MIPOL1: variants seen among roughly 807,000 people sequenced by gnomAD.
MIPOL1 encodes the protein mirror-image polydactyly gene 1 protein.
A neutral mutation model predicts 60.9 loss-of-function variants in MIPOL1; 57 were observed. The ratio of observed to expected loss-of-function variants is 0.94; its 90% CI spans 0.76 to 1.17. The LOEUF (loss-of-function observed/expected upper bound fraction) is 1.17. Ranked by LOEUF, MIPOL1 falls within the 50% of genes most tolerant of loss-of-function variation. The pLI is 0.00. For missense variants in MIPOL1, 551 were observed against 511.6 expected (o/e 1.08, Z -0.74); for synonymous variants, 179 against 168.8 (o/e 1.06, Z -0.47).
At chr14:37,497,418 T>C (rs2095148332) in intron 11 of MIPOL1, among the ~76,000 whole-genome samples, 1 of 152,234 alleles carries the variant, frequency 6.6e-6, no homozygotes, top group Admixed American at 6.5e-5. Flanking sequence ...TTAGGCCATA[T>C]ATGTAAAGTT....
In MIPOL1 at chr14:37,394,084, A is replaced by ATATC. The variant is rs1491106712; in HGVS notation, c.936+24461_936+24462insATCT. Among the ~76,000 whole-genome samples, 345 of 134,662 alleles carry ATATC rather than the reference A, an allele frequency of 2.6e-3. 11 individuals carry two copies. The highest frequency in any genetic ancestry group is 2.9e-3 in the Non-Finnish European group (184 of 63,774). The allele number at this position is 134,662 out of a possible 152,430, so 88.3% of individuals were successfully genotyped here. A position where few individuals can be genotyped will look rare whatever the true frequency, so the allele number is the denominator to read the frequency against. On this transcript the variant is annotated intron_variant, in intron 10 of 12. Coordinates refer to ENST00000684589, the MANE Select transcript of MIPOL1 (RefSeq NM_001388067.1). ...TATATATATATATATATATATATAT[A>ATATC]TCTCCATGTTCTATCATATATATAT... is the stretch of plus-strand genomic sequence containing the variant.
intron 11 of MIPOL1, among the ~76,000 whole-genome samples, chr14:37,441,084 A>G (rs766337700): frequency 6.6e-6 from 1 of 151,992 alleles, no homozygotes; most frequent in Non-Finnish European, 1.5e-5. Context: ...ATTCTTATCA[A>G]CTGCCACTTT....
intron 9 of MIPOL1, among the ~76,000 whole-genome samples, chr14:37,368,191 ATAT>A (rs1165044330): frequency 6.6e-6 from 1 of 152,002 alleles, no homozygotes; most frequent in Non-Finnish European, 1.5e-5. Context: ...AAATGCCTTG[ATAT>A]TATGGTTATT....
At chr14:37,532,028 G>A (rs570762051) in intron 12 of MIPOL1, among the ~76,000 whole-genome samples, 1 of 152,194 alleles carries the variant, frequency 6.6e-6, no homozygotes, top group East Asian at 1.9e-4. Flanking sequence ...TATTACTTAC[G>A]CATTTCTGAG....
chr14:37,497,922 C>A (rs997971435), intron 11 of MIPOL1, among the ~76,000 whole-genome samples: 12 of 152,080 alleles, frequency 7.9e-5, no homozygotes, highest in African/African-American at 2.7e-4. Context: ...ATAATGCATA[C>A]CCTTTGGAGA....
intron 1 of MIPOL1, among the ~76,000 whole-genome samples, chr14:37,208,582 A>G (rs1594453953): frequency 6.6e-6 from 1 of 152,296 alleles, no homozygotes; most frequent in Admixed American, 6.5e-5. Flanking sequence ...TGTAGCCACC[A>G]TCAAAATATT....
intron 1 of MIPOL1, among the ~76,000 whole-genome samples, chr14:37,216,429 A>C (rs940854711): frequency 6.6e-6 from 1 of 152,242 alleles, no homozygotes; most frequent in African/African-American, 2.4e-5. Context: ...TATAGACCAA[A>C]TTGACCTAAT....
rs116294170 is a variant in MIPOL1 at position 37,291,477 on chromosome 14, C to T, written c.623+6030C>T. ...TTTATTTTTGATTCTCAACTTACTTCCTTAAGTTTTATATTTCTCTTTTCA... is the reference window on the plus strand; with the variant it reads ...TTTATTTTTGATTCTCAACTTACTTTCTTAAGTTTTATATTTCTCTTTTCA... On this transcript the variant is annotated intron_variant, in intron 7 of 12. Transcript: ENST00000684589. Among the ~76,000 whole-genome samples, 386 of 152,028 alleles carry T rather than the reference C, an allele frequency of 2.5e-3. 5 individuals are homozygous for T. The highest frequency in any genetic ancestry group is 9.2e-3 in the African/African-American group (382 of 41,476).
intron 3 of MIPOL1, among the ~76,000 whole-genome samples, chr14:37,261,555 G>T (rs987244814): frequency 1.3e-5 from 2 of 152,020 alleles, no homozygotes; most frequent in African/African-American, 4.8e-5. Flanking sequence ...ATATTTGAGA[G>T]AAATTAAAGA....
chr14:37,376,917 C>G (rs1394547662), intron 10 of MIPOL1, among the ~76,000 whole-genome samples: 2 of 152,196 alleles, frequency 1.3e-5, no homozygotes, highest in Non-Finnish European at 2.9e-5. Flanking sequence ...ATGAGAGCTT[C>G]TGTTGCTCCA....
chr14:37,488,902 G>A (rs2094997799), intron 11 of MIPOL1, among the ~76,000 whole-genome samples: 1 of 152,094 alleles, frequency 6.6e-6, no homozygotes, highest in South Asian at 2.1e-4. Flanking sequence ...TGGTGAATCT[G>A]ATGATTATGT....
At chr14:37,512,137 C>T (rs2095332572) in intron 12 of MIPOL1, among the ~76,000 whole-genome samples, 1 of 147,882 alleles carries the variant, frequency 6.8e-6, no homozygotes, top group Admixed American at 6.9e-5. Flanking sequence ...TATAGGGCAC[C>T]CTATATCTTT....
intron 1 of MIPOL1, among the ~76,000 whole-genome samples, chr14:37,223,469 C>T (rs2139563196): frequency 6.6e-6 from 1 of 152,232 alleles, no homozygotes; most frequent in South Asian, 2.1e-4. Flanking sequence ...ACTGCCTCTA[C>T]CACAATATTT....
rs1485444439 is a variant in MIPOL1, at chr14:37,239,843, TAA to T, written c.-198-7259_-198-7258del. Among the ~76,000 whole-genome samples the T allele has an allele frequency of 1.6e-4, 25 of 152,324 alleles. No homozygotes were observed. In the East Asian group the frequency reaches 4.8e-3, roughly 29 times the overall value. On this transcript the variant is annotated intron_variant, in intron 1 of 12. Coordinates refer to ENST00000684589, the MANE Select transcript of MIPOL1 (RefSeq NM_001388067.1). ...GATAATGAACAAGAAATTGGAACTA[TAA>T]GTCTAATTTATTTTACTATCTTTAA...
intron 9 of MIPOL1, among the ~76,000 whole-genome samples, chr14:37,361,453 G>A (rs1269445179): frequency 6.6e-6 from 1 of 152,108 alleles, no homozygotes; most frequent in African/African-American, 2.4e-5. Flanking sequence ...TTACTACTGT[G>A]TGGGAGTCTA....
chr14:37,533,506 T>C (rs1049697454), intron 12 of MIPOL1, among the ~76,000 whole-genome samples: 6 of 152,050 alleles, frequency 3.9e-5, no homozygotes, highest in Non-Finnish European at 8.8e-5. Flanking sequence ...ACCAACAAAC[T>C]CCATTTCTGG....
intron 11 of MIPOL1, among the ~76,000 whole-genome samples, chr14:37,469,227 C>T (rs2094643558): frequency 6.6e-6 from 1 of 152,102 alleles, no homozygotes; most frequent in Admixed American, 6.5e-5. Flanking sequence ...AGCATAGTGG[C>T]ATCTGCTTCT....
chr14:37,434,790 C>T (rs1338795320), intron 11 of MIPOL1, among the ~76,000 whole-genome samples: 1 of 147,600 alleles, frequency 6.8e-6, no homozygotes, highest in Non-Finnish European at 1.5e-5. Context: ...AAGGTCTACT[C>T]ATAATTATAG....
chr14:37,462,867 A>C (rs1331459905), intron 11 of MIPOL1, among the ~76,000 whole-genome samples: 1 of 152,126 alleles, frequency 6.6e-6, no homozygotes, highest in Non-Finnish European at 1.5e-5. Context: ...CCCTTTAACA[A>C]GTCTCTAGGA....
Sources: allele counts gnomAD v4.1 joint callset (sites outside exome capture counted in the v4.1 genomes callset), GRCh38; gene constraint gnomAD v4.1.1; transcripts MANE v1.5; gene names NCBI Gene and HGNC (gene_info 2026-07-23, HGNC 2026-07-21).